The following DLG1 variants were observed in gnomAD, a reference collection of about 807,000 sequenced individuals.
DLG1 encodes disks large homolog 1.
DLG1 carries 42 observed loss-of-function variants against 123.4 expected under a neutral mutation model. The observed-to-expected ratio is 0.34, with a 90% confidence interval of 0.27 to 0.44. The LOEUF (loss-of-function observed/expected upper bound fraction) is 0.44, where lower values mean the gene tolerates loss of function less well. Among genes scored for constraint, DLG1 ranks in the 20% least tolerant of loss-of-function variants. The pLI is 1.00. For synonymous variants in DLG1, 317 were observed against 356.2 expected (o/e 0.89, Z 1.24); for missense variants, 942 against 1,082.6 (o/e 0.87, Z 1.82).
At chr3:197,127,495 T>TATATAA (rs1553936756) in intron 11 of DLG1, among the ~76,000 whole-genome samples, 25 of 49,408 alleles carry the variant, frequency 5.1e-4, no homozygotes, top group Admixed American at 8.7e-4. Context: ...TATATATATA[T>TATATAA]AAAGTAAGAA....
chr3:197,247,971 T>C (rs1752563910), intron 4 of DLG1, among the ~76,000 whole-genome samples: 1 of 152,108 alleles, frequency 6.6e-6, no homozygotes, highest in South Asian at 2.1e-4. Context: ...CTCTTAGCAC[T>C]GGCAGGTTCA....
chr3:197,102,117 C>G (rs910197934), intron 14 of DLG1, among the ~76,000 whole-genome samples: 32 of 152,290 alleles, frequency 2.1e-4, no homozygotes, highest in African/African-American at 7.7e-4. Context: ...GTGAATTATT[C>G]CTTGCCTTTG....
intron 4 of DLG1, among the ~76,000 whole-genome samples, chr3:197,266,092 C>A (rs1030194711): frequency 2.0e-5 from 3 of 152,122 alleles, no homozygotes; most frequent in African/African-American, 7.2e-5. Flanking sequence ...CAAACTCTTT[C>A]CAAGTCATTT....
intron 4 of DLG1, among the ~76,000 whole-genome samples, chr3:197,271,281 A>G (rs1763821606): frequency 6.6e-6 from 1 of 152,216 alleles, no homozygotes; most frequent in Non-Finnish European, 1.5e-5. Context: ...GCCCACTAGA[A>G]GCCAGTAGAT....
chr3:197,264,309 A>G (rs1186494793), intron 4 of DLG1, among the ~76,000 whole-genome samples: 1 of 152,162 alleles, frequency 6.6e-6, no homozygotes, highest in African/African-American at 2.4e-5. Flanking sequence ...AATTACTACT[A>G]CAGATTGGGT....
intron 15 of DLG1, among the ~76,000 whole-genome samples, chr3:197,089,891 C>A (rs1327571850): frequency 2.0e-5 from 3 of 152,036 alleles, no homozygotes; most frequent in Non-Finnish European, 2.9e-5. Context: ...TCCCACATCA[C>A]TGGTAGGGTT....
chr3:197,251,063 G>A (rs1026215416), intron 4 of DLG1, among the ~76,000 whole-genome samples: 15 of 150,898 alleles, frequency 9.9e-5, no homozygotes, highest in African/African-American at 3.4e-4. Flanking sequence ...GAGGAATACT[G>A]TAAAAATAAC....
At chr3:197,198,962 T>C (rs969052996) in intron 4 of DLG1, among the ~76,000 whole-genome samples, 1 of 152,218 alleles carries the variant, frequency 6.6e-6, no homozygotes, top group Non-Finnish European at 1.5e-5. Context: ...TCTGGGATGA[T>C]GAAAACCTTC....
chr3:197,241,709 T>C (rs538530441), intron 4 of DLG1, among the ~76,000 whole-genome samples: 5 of 152,160 alleles, frequency 3.3e-5, no homozygotes, highest in Non-Finnish European at 5.9e-5. Flanking sequence ...TGAAGTTAAA[T>C]TGTGGAAGTT....
chr3:197,046,209 C>T (rs1722912866), intron 24 of DLG1, among the ~76,000 whole-genome samples: 1 of 152,104 alleles, frequency 6.6e-6, no homozygotes, highest in Non-Finnish European at 1.5e-5. Flanking sequence ...AGGTTGACAA[C>T]AGCACGCAAG....
intron 14 of DLG1, among the ~76,000 whole-genome samples, chr3:197,092,868 C>A (rs546266856): frequency 2.4e-4 from 37 of 152,260 alleles, no homozygotes; most frequent in Middle Eastern, 3.4e-3. Context: ...AGTGGATACA[C>A]ATTTAGATTC....
At chr3:197,222,754 C>A (rs2150522226) in intron 4 of DLG1, among the ~76,000 whole-genome samples, 2 of 152,326 alleles carry the variant, frequency 1.3e-5, no homozygotes, top group Middle Eastern at 3.4e-3. Flanking sequence ...AAAAAACACT[C>A]CTGACTTTAT....
intron 19 of DLG1, chr3:197,068,383 CA>C (rs533837886): frequency 0.02 from 12,147 of 600,672 alleles, no homozygotes; most frequent in South Asian, 0.027. Context: ...ATTTCCACAC[CA>C]AAAAAAAAAT....
At chr3:197,296,526 A>G (rs746908248) in intron 2 of DLG1, 49 bp from the exon 3 acceptor site, 1 of 1,566,722 alleles carries the variant, frequency 6.4e-7, no homozygotes, top group Non-Finnish European at 8.8e-7. Flanking sequence ...TTACAAAAAA[A>G]GTATCACATA....
At chr3:197,105,393 T>C (rs1173623067) in intron 13 of DLG1, among the ~76,000 whole-genome samples, 3 of 152,212 alleles carry the variant, frequency 2.0e-5, no homozygotes, top group Non-Finnish European at 4.4e-5. Context: ...AGCATCCATT[T>C]ACCTCCTGCC....
intron 4 of DLG1, among the ~76,000 whole-genome samples, chr3:197,221,536 GA>G (rs1192184550): frequency 7.3e-4 from 100 of 136,468 alleles, no homozygotes; most frequent in Admixed American, 1.3e-3. Flanking sequence ...AAAAGAAAAG[GA>G]AAAAAAAAAA....
chr3:197,105,714 T>A (rs540347884), intron 13 of DLG1, among the ~76,000 whole-genome samples: 3 of 152,268 alleles, frequency 2.0e-5, no homozygotes, highest in Admixed American at 6.5e-5. Context: ...TATATACATA[T>A]ATAGTGCAAG....
intron 5 of DLG1, among the ~76,000 whole-genome samples, chr3:197,157,513 A>G (rs1187278876): frequency 6.6e-6 from 1 of 152,222 alleles, no homozygotes; most frequent in Non-Finnish European, 1.5e-5. Flanking sequence ...TGGGCAATGA[A>G]AACTATAAAA....
At chr3:197,085,834 G>A in intron 15 of DLG1, 78 bp from the exon 16 acceptor site, 3 of 1,323,418 alleles carry the variant, frequency 2.3e-6, no homozygotes, top group Non-Finnish European at 3.1e-6. Flanking sequence ...GAAAGTATAT[G>A]TAATTTGGGT....
Sources: gnomAD v4.1 joint callset for allele counts (sites outside exome capture counted in the v4.1 genomes callset) on GRCh38, gnomAD v4.1.1 for gene constraint, MANE v1.5 for transcripts, NCBI Gene and HGNC (gene_info 2026-07-23, HGNC 2026-07-21) for gene names.